The following TNFRSF8 variants were observed in gnomAD, a reference collection of about 807,000 sequenced individuals.
TNFRSF8 encodes tumor necrosis factor receptor superfamily member 8.
A neutral mutation model predicts 70.8 loss-of-function variants in TNFRSF8; 26 were observed. The ratio of observed to expected loss-of-function variants is 0.37; its 90% confidence interval spans 0.27 to 0.51. TNFRSF8 has a LOEUF of 0.51. Ranked by LOEUF, TNFRSF8 falls within the 20% of genes least tolerant of loss-of-function variation. The pLI is 0.94. For missense variants in TNFRSF8, 720 were observed against 807.9 expected (o/e 0.89, Z 1.32); for synonymous variants, 356 against 339.2 (o/e 1.05, Z -0.54).
intron 12 of TNFRSF8, among the ~76,000 whole-genome samples, chr1:12,129,719 C>T (rs1307774141): frequency 6.6e-6 from 1 of 152,140 alleles, no homozygotes; most frequent in Admixed American, 6.5e-5. Flanking sequence ...CTCAGGGCGT[C>T]CTGCCAGGTT....
chr1:12,112,558 TA>T lies in TNFRSF8; in HGVS notation c.793+552del, dbSNP rs201860026. Reference sequence around the variant, plus strand: ...GTGCACACTACCATGCCTGGCTAATTAAAAAAAATTTTTTTTCATACAGATG... The same window carrying T: ...GTGCACACTACCATGCCTGGCTAATTAAAAAAATTTTTTTTCATACAGATG... On this transcript the variant is annotated intron_variant, in intron 7 of 14. Coordinates refer to ENST00000263932, the MANE Select transcript of TNFRSF8 (RefSeq NM_001243.5). The surrounding 1 kb of genome is among the most constrained non-coding windows in gnomAD (Gnocchi z 5.3). Among the ~76,000 whole-genome samples the T allele has an allele frequency of 1.3e-5, 2 of 151,930 alleles. No individual in the cohort carries two copies. Among genetic ancestry groups the T allele is most frequent in the Admixed American group, 1.3e-4 (2 of 15,246 alleles).
At chr1:12,067,452 GC>G in intron 1 of TNFRSF8, among the ~76,000 whole-genome samples, 1 of 152,284 alleles carries the variant, frequency 6.6e-6, no homozygotes, top group South Asian at 2.1e-4. Context: ...ACTTTGGGAG[GC>G]CAAGACAGGC....
chr1:12,065,190 C>T (rs2002556), intron 1 of TNFRSF8, among the ~76,000 whole-genome samples: 55,522 of 147,888 alleles, frequency 0.38, 10,465 homozygotes, highest in Admixed American at 0.52. Flanking sequence ...TCAAGTGATT[C>T]TCCTGCCTCA....
chr1:12,084,608 C>T (rs1015752051), intron 2 of TNFRSF8, 57 bp downstream of exon 2: 3 of 1,493,258 alleles, frequency 2.0e-6, no homozygotes, highest in Middle Eastern at 2.0e-4. Flanking sequence ...CAATTGATGA[C>T]CCTCTTGGGG....
intron 2 of TNFRSF8, among the ~76,000 whole-genome samples, chr1:12,094,123 G>A (rs576518960): frequency 1.3e-5 from 2 of 151,128 alleles, no homozygotes; most frequent in African/African-American, 4.9e-5. Context: ...GATTATAGGC[G>A]TGAGCCACCG....
At chr1:12,117,145 T>C (rs1641746522) in intron 8 of TNFRSF8, among the ~76,000 whole-genome samples, 2 of 152,092 alleles carry the variant, frequency 1.3e-5, no homozygotes, top group South Asian at 2.1e-4. Flanking sequence ...TGCAGTGGTG[T>C]AATCTCAGCT....
chr1:12,098,978 A>G (rs1641374260), intron 3 of TNFRSF8, among the ~76,000 whole-genome samples: 1 of 152,164 alleles, frequency 6.6e-6, no homozygotes. Flanking sequence ...ATTTTTTATT[A>G]TTCATGATGA....
At position 12,125,973 on chromosome 1, in the gene TNFRSF8, C is replaced by T; in HGVS notation, c.1176C>T (p.Ile392=). 6.2e-7 allele frequency: 1 copy of T among 1,614,108 alleles called. No individual in the cohort carries two copies. Residue 392 remains isoleucine, a synonymous_variant, in exon 11 of 15, where the codon ATC becomes ATT. Coordinates refer to ENST00000263932, the MANE Select transcript of TNFRSF8 (RefSeq NM_001243.5). ...CAGGGCCAGTGCTCTTCTGGGTGAT[C>T]CTGGTGTTGGTTGTGGTGGTCGGCT... ...LDAGPVLFWV[I]LVLVVVVGSS...
chr1:12,078,812 A>G (rs1641012726), intron 1 of TNFRSF8, among the ~76,000 whole-genome samples: 1 of 152,222 alleles, frequency 6.6e-6, no homozygotes, highest in Non-Finnish European at 1.5e-5. Context: ...TCGCTATGGA[A>G]AGCAAACCGT....
chr1:12,124,194 A>G (rs1409930650), intron 10 of TNFRSF8, among the ~76,000 whole-genome samples: 3 of 151,898 alleles, frequency 2.0e-5, no homozygotes. Context: ...TTTTTAGTAG[A>G]GACGGGGTTT....
intron 1 of TNFRSF8, among the ~76,000 whole-genome samples, chr1:12,072,805 G>A (rs1468697959): frequency 6.6e-6 from 1 of 152,188 alleles, no homozygotes; most frequent in Admixed American, 6.5e-5. Context: ...CCAACCTGCT[G>A]AGACCAGGAA....
In TNFRSF8 at chr1:12,142,594, TGTTGGCACC is replaced by T; in HGVS notation, c.*65_*73del. The T allele has an allele frequency of 6.6e-7, 1 of 1,523,828 alleles. No homozygotes were observed. The highest frequency in any genetic ancestry group is 1.2e-5 in the South Asian group (1 of 81,656). The allele number at this position is 1,523,828 out of a possible 1,614,324, so 94.4% of individuals were successfully genotyped here. ...GGCCTCTGGGAGGCCAGGATGGCAC[TGTTGGCACC>T]GAGGTTGGGGGCAGAGGCCCATCTG... On this transcript the variant is annotated 3_prime_UTR_variant, in exon 15 of 15. Transcript: ENST00000263932. This position sits in a 1 kb window ranked among gnomAD's most constrained non-coding sequence, Gnocchi z 5.0.
At chr1:12,105,573 T>TCA (rs34007480) in intron 4 of TNFRSF8, among the ~76,000 whole-genome samples, 2,325 of 146,690 alleles carry the variant, frequency 0.016, 57 homozygotes, top group African/African-American at 0.051. Flanking sequence ...TCTCTCTGTC[T>TCA]CACACACACA....
chr1:12,089,084 G>A (rs924981830), intron 2 of TNFRSF8, among the ~76,000 whole-genome samples: 2 of 151,946 alleles, frequency 1.3e-5, no homozygotes, highest in Middle Eastern at 3.4e-3. Flanking sequence ...GCCACAGAGC[G>A]AGATTCTATC....
chr1:12,107,124 G>A (rs1641539770), intron 4 of TNFRSF8, among the ~76,000 whole-genome samples: 2 of 152,226 alleles, frequency 1.3e-5, no homozygotes, highest in Admixed American at 1.3e-4. Context: ...GCCGGGTGCG[G>A]TGGCTCACAC....
In TNFRSF8 at chr1:12,126,425, A is replaced by G. The variant is rs980622045; in HGVS notation, c.1309+189A>G. Among the ~76,000 whole-genome samples, 19 of 152,208 alleles carry G rather than the reference A, an allele frequency of 1.2e-4. No individual in the cohort carries two copies. The South Asian group carries it at 3.9e-3, about 31-fold the overall frequency. ...GAAAACTCATGCGTGTGGAGAATGC[A>G]ATGAGGTGAAGACTGTACTGGGTGT... On this transcript the variant is annotated intron_variant, in intron 12 of 14. Coordinates refer to ENST00000263932, the MANE Select transcript of TNFRSF8 (RefSeq NM_001243.5).
rs544725500 is a variant in TNFRSF8, at chr1:12,073,284, C to A, written c.63+9623C>A. ...TCTTAAAAACAAACAAACAGACAAACAAAAAGTAAATACACAAGCCCCTTC... is the reference window on the plus strand; with the variant it reads ...TCTTAAAAACAAACAAACAGACAAAAAAAAAGTAAATACACAAGCCCCTTC... On this transcript the variant is annotated intron_variant, in intron 1 of 14. Coordinates refer to ENST00000263932, the MANE Select transcript of TNFRSF8 (RefSeq NM_001243.5). Among the ~76,000 whole-genome samples, 108 of 152,214 alleles carry A rather than the reference C, an allele frequency of 7.1e-4. 2 individuals are homozygous for A. The South Asian group carries it at 0.022, about 31-fold the overall frequency.
chr1:12,126,279 A>G, intron 12 of TNFRSF8, 43 bp downstream of exon 12: 2 of 1,612,160 alleles, frequency 1.2e-6, no homozygotes, highest in Non-Finnish European at 1.7e-6. Flanking sequence ...AGCCAGAGGA[A>G]CACAGGGCAG....
intron 3 of TNFRSF8, 145 bp from the exon 4 acceptor site, chr1:12,104,234 C>T: frequency 1.9e-4 from 139 of 731,210 alleles, no homozygotes; most frequent in South Asian, 6.6e-4. Flanking sequence ...ATTTTTAATC[C>T]AATTTTAGTG....
Sources: allele counts gnomAD v4.1 joint callset (sites outside exome capture counted in the v4.1 genomes callset), GRCh38; gene constraint gnomAD v4.1.1; non-coding constraint Gnocchi (gnomAD v3.1); transcripts MANE v1.5; gene names NCBI Gene and HGNC (gene_info 2026-07-23, HGNC 2026-07-21).